Variants in GPATCH2L observed in about 807,000 individuals in gnomAD.
GPATCH2L encodes the protein G-patch domain containing 2 like.
GPATCH2L carries 31 observed loss-of-function variants against 57.4 expected under a neutral mutation model. The observed-to-expected ratio is 0.54, with a 90% CI of 0.41 to 0.73. The LOEUF (loss-of-function observed/expected upper bound fraction) is 0.73. GPATCH2L is among the 30% of genes least tolerant of loss of function. The pLI is 0.00. For missense variants in GPATCH2L, 481 were observed against 599.9 expected (o/e 0.80, Z 2.07); for synonymous variants, 199 against 210.7 (o/e 0.94, Z 0.48).
intron 8 of GPATCH2L, among the ~76,000 whole-genome samples, chr14:76,195,656 C>G (rs2040124468): frequency 1.3e-5 from 2 of 152,096 alleles, no homozygotes. Context: ...TGAATGTCTG[C>G]TACACTGAAA....
rs1042319606 is a variant in GPATCH2L at position 76,184,934 on chromosome 14, A to G, written c.1193+4085A>G. On this transcript the variant is annotated intron_variant, in intron 8 of 9. Coordinates refer to ENST00000261530, the MANE Select transcript of GPATCH2L (RefSeq NM_017926.4). Reference sequence around the variant, plus strand: ...TGTCCTAAATGCATATGGTTTTGTGACTGGTGCTTTGTAATTTGCTTAATA... The same window carrying G: ...TGTCCTAAATGCATATGGTTTTGTGGCTGGTGCTTTGTAATTTGCTTAATA... Among the ~76,000 whole-genome samples the G allele has an allele frequency of 2.4e-4, 36 of 152,142 alleles. 1 individual carries two copies. The highest frequency in any genetic ancestry group is 1.2e-4 in the Non-Finnish European group (8 of 68,028).
chr14:76,181,108 A>G (rs1031210350), intron 8 of GPATCH2L, among the ~76,000 whole-genome samples: 1 of 152,184 alleles, frequency 6.6e-6, no homozygotes, highest in Non-Finnish European at 1.5e-5. Flanking sequence ...TTCTGCTGCT[A>G]AAAGCCCCAT....
rs60488808 is a variant in GPATCH2L, at chr14:76,231,622, T to TAC, written c.*117+1696_*117+1697dup. On this transcript the variant is annotated intron_variant and NMD_transcript_variant, in intron 2 of 3. Transcript: ENST00000556372. ...TGGCTAAAATTAGAAACTAAACACA[T>TAC]ACACACACACACACACACACACACA... 5.4e-3 allele frequency among the ~76,000 whole-genome samples: 801 copies of TAC among 147,422 alleles called. 8 individuals are homozygous for TAC. The highest frequency in any genetic ancestry group is 0.012 in the East Asian group (62 of 5,000).
At chr14:76,173,159 G>A (rs2039163721) in intron 4 of GPATCH2L, among the ~76,000 whole-genome samples, 1 of 152,116 alleles carries the variant, frequency 6.6e-6, no homozygotes, top group Admixed American at 6.5e-5. Flanking sequence ...TCATGAATTA[G>A]AATGTTTTTG....
chr14:76,224,581 AT>A (rs2040528753), intron 1 of GPATCH2L, among the ~76,000 whole-genome samples: 1 of 152,150 alleles, frequency 6.6e-6, no homozygotes, highest in Admixed American at 6.5e-5. Flanking sequence ...CTTACAGGAA[AT>A]ATCATAGTTA....
intron 9 of GPATCH2L, chr14:76,196,656 G>A (rs528736548): frequency 6.6e-6 from 1 of 151,662 alleles, no homozygotes; most frequent in South Asian, 2.1e-4. Flanking sequence ...CTGTGTGTAT[G>A]TTATCCTTCA....
At chr14:76,186,872 T>C (rs900607982) in intron 8 of GPATCH2L, among the ~76,000 whole-genome samples, 3 of 152,190 alleles carry the variant, frequency 2.0e-5, no homozygotes, top group Admixed American at 6.5e-5. Context: ...TTAGCCCAGC[T>C]AAGGGAATTA....
chr14:76,228,694 C>T (rs774509173), intron 1 of GPATCH2L, among the ~76,000 whole-genome samples: 8 of 152,204 alleles, frequency 5.3e-5, no homozygotes, highest in Non-Finnish European at 8.8e-5. Flanking sequence ...TTGGTGCCCA[C>T]TCCTCATCTG....
At chr14:76,231,161 A>G (rs2040559464) in intron 2 of GPATCH2L, among the ~76,000 whole-genome samples, 1 of 152,212 alleles carries the variant, frequency 6.6e-6, no homozygotes, top group South Asian at 2.1e-4. Flanking sequence ...GAATAGAGGC[A>G]ATATTTAGGA....
chr14:76,165,961 A>G (rs1424639695), intron 2 of GPATCH2L, among the ~76,000 whole-genome samples: 1 of 152,244 alleles, frequency 6.6e-6, no homozygotes, highest in Non-Finnish European at 1.5e-5. Context: ...TTTTTCTTGA[A>G]CCAGATAAAT....
chr14:76,173,498 A>C, intron 4 of GPATCH2L, 48 bp from the exon 5 acceptor site: 1 of 1,198,442 alleles, frequency 8.3e-7, no homozygotes, highest in Non-Finnish European at 1.2e-6. Flanking sequence ...ATAGGATTGC[A>C]TATGGATTTT....
At chr14:76,165,260 A>T (rs941825666) in intron 2 of GPATCH2L, among the ~76,000 whole-genome samples, 1 of 152,090 alleles carries the variant, frequency 6.6e-6, no homozygotes, top group Non-Finnish European at 1.5e-5. Flanking sequence ...TTGGGAGGCC[A>T]TGGTGGGCGG....
At chr14:76,164,242 C>T (rs537777150) in intron 2 of GPATCH2L, among the ~76,000 whole-genome samples, 1 of 152,294 alleles carries the variant, frequency 6.6e-6, no homozygotes, top group South Asian at 2.1e-4. Flanking sequence ...CTGCTTTGTT[C>T]ATCACCATAG....
chr14:76,152,694 G>T (rs1468610708), intron 1 of GPATCH2L: 2 of 456,110 alleles, frequency 4.4e-6, no homozygotes, highest in Non-Finnish European at 8.8e-6. Context: ...GGCAGGAAAG[G>T]ATTCTGCACA....
intron 8 of GPATCH2L, among the ~76,000 whole-genome samples, chr14:76,192,678 CT>C (rs944246056): frequency 2.0e-5 from 3 of 152,040 alleles, no homozygotes; most frequent in African/African-American, 7.2e-5. Context: ...TAGTACAGTG[CT>C]TGGCAAGAGT....
chr14:76,154,849 T>C lies in GPATCH2L; in HGVS notation c.486T>C (p.Ser162=), dbSNP rs946279786. The C allele has an allele frequency of 2.5e-6, 4 of 1,614,110 alleles. No individual in the cohort carries two copies. In the South Asian group the frequency reaches 3.3e-5, roughly 13 times the overall value. The part of the protein sequence containing the change: ...WSYERGCRFK[S]AKKQRLSRWK... ...ATGAGAGAGGCTGCAGGTTCAAGTC[T>C]GCTAAGAAGCAGCGTCTGTCCCGCT... Residue 162 remains serine, a synonymous_variant, in exon 2 of 10, where the codon TCT becomes TCC. Transcript: ENST00000261530. This position sits in a 1 kb window ranked among gnomAD's most constrained non-coding sequence, Gnocchi z 4.4.
Position 76,164,793 on chromosome 14 carries a change from G to A in GPATCH2L, c.663-1870G>A, listed in dbSNP as rs117620487. ...TTCAAGTCAGTACCAAGTTTACAGC[G>A]TTTAGCTAACAGTGGACAAGAGGGT... On this transcript the variant is annotated intron_variant, in intron 2 of 9. Transcript: ENST00000261530. Among the ~76,000 whole-genome samples the A allele has an allele frequency of 2.0e-4, 31 of 152,268 alleles. 2 individuals carry two copies. The East Asian group carries it at 5.6e-3, about 27-fold the overall frequency.
At chr14:76,170,342 G>C (rs1317648398) in intron 3 of GPATCH2L, among the ~76,000 whole-genome samples, 1 of 152,042 alleles carries the variant, frequency 6.6e-6, no homozygotes. Flanking sequence ...CTTCAATTTT[G>C]CTATTTTGCA....
intron 4 of GPATCH2L, 56 bp downstream of exon 4, chr14:76,172,075 C>A: frequency 9.0e-7 from 1 of 1,110,868 alleles, no homozygotes; most frequent in Non-Finnish European, 1.3e-6. Flanking sequence ...TTGGGCAGAG[C>A]AATCACCCCC....
Sources: gnomAD v4.1 joint callset for allele counts (sites outside exome capture counted in the v4.1 genomes callset) on GRCh38, gnomAD v4.1.1 for gene constraint, Gnocchi (gnomAD v3.1) non-coding constraint, MANE v1.5 for transcripts, NCBI Gene and HGNC (gene_info 2026-07-23, HGNC 2026-07-21) for gene names.